Variants in RPS27 observed in about 807,000 individuals in gnomAD.
The protein encoded by RPS27 is ribosomal protein S27.
In RPS27, 1 loss-of-function variant was observed where a neutral mutation model predicts 11.8. The observed-to-expected ratio is 0.08, with a 90% CI of 0.03 to 0.40. The LOEUF (loss-of-function observed/expected upper bound fraction) is 0.40, where lower values mean the gene tolerates loss of function less well. Among genes scored for constraint, RPS27 ranks in the 10% least tolerant of loss-of-function variants. The pLI is 0.98. For synonymous variants in RPS27, 42 were observed against 33.8 expected (o/e 1.24, Z -0.84); for missense variants, 44 against 100.1 (o/e 0.44, Z 2.39).
chr1:153,991,949 G>A (rs1215380505), intron 3 of RPS27, 116 bp from the exon 4 acceptor site: 1 of 984,848 alleles, frequency 1.0e-6, no homozygotes, highest in Non-Finnish European at 1.6e-6. Flanking sequence ...GTAGCTAAGA[G>A]TTGAGAAAAA....
chr1:153,990,916 C>T (rs1043194841), intron 1 of RPS27, 114 bp downstream of exon 1: 3 of 1,467,024 alleles, frequency 2.0e-6, no homozygotes, highest in Non-Finnish European at 2.9e-6. Context: ...CTTCTTAGGA[C>T]ATTAACTCCA....
In RPS27 at chr1:153,991,148, G is replaced by A. The variant is rs775563189; in HGVS notation, c.40G>A (p.Glu14Lys). 3.1e-6 allele frequency: 5 copies of A among 1,595,636 alleles called. No homozygotes were observed. The highest frequency in any genetic ancestry group is 3.4e-5 in the Admixed American group (2 of 58,532). The change falls in exon 2 of 4, where the codon GAG (glutamate) becomes AAG (lysine). Residue 14 changes from glutamate (E) to lysine (K), a missense_variant. By Grantham distance (56) the Glu-to-Lys change is moderately conservative (BLOSUM62 1). Coordinates refer to ENST00000651669, the MANE Select transcript of RPS27 (RefSeq NM_001030.6). ...AKDLLHPSPE[E>K]EKRKHKKKRL... ...GGATCTCCTTCATCCCTCTCCAGAA[G>A]AGGAGAAGAGGAAACACAAGAAGAA...
intron 2 of RPS27, 65 bp from the exon 3 acceptor site, chr1:153,991,496 ATGAGT>A: frequency 7.3e-7 from 1 of 1,369,180 alleles, no homozygotes; most frequent in Non-Finnish European, 1.0e-6. Context: ...GTAATGGATG[ATGAGT>A]TGGGCATAAG....
At chr1:153,991,072 T>G in intron 1 of RPS27, 43 bp from the exon 2 acceptor site, 2 of 1,456,404 alleles carry the variant, frequency 1.4e-6, no homozygotes, top group Admixed American at 2.2e-5. Context: ...CCATCCCATT[T>G]TCGCTGTTGG....
At chr1:153,991,705 CTTTGAG>C in intron 3 of RPS27, 29 bp downstream of exon 3, 1 of 1,399,110 alleles carries the variant, frequency 7.1e-7, no homozygotes, top group Middle Eastern at 1.8e-4. Flanking sequence ...TGATTTGGGG[CTTTGAG>C]TTTGATTTTT....
intron 1 of RPS27, 99 bp from the exon 2 acceptor site, chr1:153,991,016 G>A: frequency 1.7e-6 from 2 of 1,165,920 alleles, no homozygotes; most frequent in Admixed American, 2.3e-5. Context: ...CAGGGGCGGC[G>A]AGGGGCGAGC....
chr1:153,991,750 C>A (rs956262623), intron 3 of RPS27, 74 bp downstream of exon 3: 5 of 1,033,528 alleles, frequency 4.8e-6, no homozygotes, highest in Non-Finnish European at 7.4e-6. Flanking sequence ...TAGGATTTTT[C>A]GGTCTTAACA....
rs1649443722 is a variant in RPS27, at chr1:153,992,098, A to T, written c.*5A>T. 6.2e-7 allele frequency: 1 copy of T among 1,610,116 alleles called. No individual in the cohort carries two copies. Among genetic ancestry groups the T allele is most frequent in the African/African-American group, 1.3e-5 (1 of 74,982 alleles). Reference sequence around the variant, plus strand: ...TTCAGGAGGAAGCAGCACTAAAAGCACTCTGAGTCAAGATGAGTGGGAAAC... The same window carrying T: ...TTCAGGAGGAAGCAGCACTAAAAGCTCTCTGAGTCAAGATGAGTGGGAAAC... On this transcript the variant is annotated 3_prime_UTR_variant, in exon 4 of 4. Coordinates refer to ENST00000651669, the MANE Select transcript of RPS27 (RefSeq NM_001030.6).
At chr1:153,991,006 C>A in intron 1 of RPS27, 109 bp from the exon 2 acceptor site, 2 of 1,160,686 alleles carry the variant, frequency 1.7e-6, no homozygotes, top group South Asian at 2.8e-5. Flanking sequence ...GCGCAGACAC[C>A]AGGGGCGGCG....
At chr1:153,991,346 A>G in intron 2 of RPS27, 123 bp downstream of exon 2, 1 of 1,517,564 alleles carries the variant, frequency 6.6e-7, no homozygotes, top group Non-Finnish European at 8.8e-7. Flanking sequence ...GCCTGTGGAA[A>G]ATATTTTCCC....
intron 2 of RPS27, 41 bp from the exon 3 acceptor site, chr1:153,991,525 G>A (rs900800386): frequency 1.8e-5 from 25 of 1,395,844 alleles, no homozygotes; most frequent in East Asian, 2.3e-5. Context: ...AGGAAAGACG[G>A]GTGTAATAGA....
chr1:153,991,354 C>T (rs574313152), intron 2 of RPS27, 131 bp downstream of exon 2: 3 of 1,512,956 alleles, frequency 2.0e-6, no homozygotes, highest in East Asian at 2.5e-5. Flanking sequence ...AAAATATTTT[C>T]CCTGATACTC....
intron 1 of RPS27, 123 bp downstream of exon 1, chr1:153,990,925 C>T: frequency 7.0e-7 from 1 of 1,431,254 alleles, no homozygotes; most frequent in Non-Finnish European, 9.8e-7. Flanking sequence ...ACATTAACTC[C>T]AGGGACCGCA....
Position 153,990,809 on chromosome 1 carries a change from G to T in RPS27, c.6+7G>T, listed in dbSNP as rs112394823. The T allele has an allele frequency of 3.9e-5, 63 of 1,614,212 alleles. 1 individual carries two copies. In the South Asian group the frequency reaches 4.4e-4, roughly 11 times the overall value. ...CGCACACGAGAACATGCCTGTGAGT[G>T]CTTTGGTCCAGGTTTCGGCGGAGAT... On this transcript the variant is annotated splice_region_variant and intron_variant, in intron 1 of 3. Transcript: ENST00000651669.
At chr1:153,990,844 C>T (rs759349054) in intron 1 of RPS27, 42 bp downstream of exon 1, 11 of 1,613,666 alleles carry the variant, frequency 6.8e-6, no homozygotes, top group African/African-American at 1.3e-5. Context: ...TCTCGCTGTT[C>T]TGTCCGAACT....
chr1:153,991,491 GGAT>G (rs1187127331), intron 2 of RPS27, 72 bp from the exon 3 acceptor site: 3 of 1,363,138 alleles, frequency 2.2e-6, no homozygotes, highest in Non-Finnish European at 1.0e-6. Context: ...ACAATGTAAT[GGAT>G]GATGAGTTGG....
rs753234083 is a variant in RPS27, at chr1:153,991,559, C to T, written c.116-7C>T. On this transcript the variant is annotated splice_polypyrimidine_tract_variant and splice_region_variant and intron_variant, in intron 2 of 3. Coordinates refer to ENST00000651669, the MANE Select transcript of RPS27 (RefSeq NM_001030.6). ...GAGGAAAAAAATGTTATCTGCTTTT[C>T]TTTCAGGATGCTATAAAATCACCAC... The T allele has an allele frequency of 6.9e-6, 11 of 1,605,576 alleles. No individual in the cohort carries two copies. The highest frequency in any genetic ancestry group is 1.8e-4 in the Middle Eastern group (1 of 5,590).
At chr1:153,990,936 G>A in intron 1 of RPS27, 134 bp downstream of exon 1, 1 of 1,379,636 alleles carries the variant, frequency 7.2e-7, no homozygotes. Flanking sequence ...AGGGACCGCA[G>A]CGGCCCACGG....
intron 2 of RPS27, 54 bp downstream of exon 2, chr1:153,991,277 A>T: frequency 6.4e-7 from 1 of 1,562,858 alleles, no homozygotes; most frequent in Non-Finnish European, 8.7e-7. Flanking sequence ...ACAGTTGGAA[A>T]ATGTTGTAGT....
Sources: allele counts gnomAD v4.1 joint callset, GRCh38; gene constraint gnomAD v4.1.1; transcripts MANE v1.5; gene names NCBI Gene and HGNC (gene_info 2026-07-23, HGNC 2026-07-21).